FOXP2: variants seen among roughly 807,000 people sequenced by gnomAD.
FOXP2 encodes the protein forkhead box P2.
A neutral mutation model predicts 115.8 loss-of-function variants in FOXP2; 12 were observed. The observed-to-expected ratio is 0.10, with a 90% CI of 0.07 to 0.17. FOXP2 has a LOEUF of 0.17. FOXP2 is among the 10% of genes least tolerant of loss of function. The probability of loss-of-function intolerance (pLI) is 1.00; values close to 1 mark genes in which losing one functional copy is unlikely to be tolerated. For synonymous variants in FOXP2, 328 were observed against 297.7 expected, an observed-to-expected ratio of 1.10 and a Z score of -1.05; for missense variants, 629 against 843.5, an observed-to-expected ratio of 0.75 and a Z score of 3.15.
chr7:114,526,150 G>T, intron 2 of FOXP2, among the ~76,000 whole-genome samples: 1 of 100,564 alleles, frequency 9.9e-6, no homozygotes, highest in African/African-American at 4.0e-5. Context: ...TATTTATTAA[G>T]CTCATTATTA....
chr7:114,087,528 G>T (rs562954891), upstream of FOXP2, among the ~76,000 whole-genome samples: 5 of 151,848 alleles, frequency 3.3e-5, no homozygotes, highest in African/African-American at 1.2e-4. Context: ...CTTCTCACTT[G>T]GCTGTTACCT....
chr7:114,520,169 A>G (rs965669529), intron 2 of FOXP2, among the ~76,000 whole-genome samples: 1 of 152,122 alleles, frequency 6.6e-6, no homozygotes, highest in African/African-American at 2.4e-5. Flanking sequence ...TACCTTACAT[A>G]AAAATTGCTT....
chr7:114,310,888 G>A (rs879526658), intron 2 of FOXP2, among the ~76,000 whole-genome samples: 5 of 152,130 alleles, frequency 3.3e-5, no homozygotes, highest in Non-Finnish European at 7.3e-5. Flanking sequence ...AGGGACAAGT[G>A]GGTGACTTGA....
chr7:114,244,989 C>G (rs1054253633), intron 1 of FOXP2, among the ~76,000 whole-genome samples: 3 of 152,174 alleles, frequency 2.0e-5, no homozygotes, highest in Admixed American at 6.5e-5. Context: ...GTCTCGATCT[C>G]CTGACCTCGT....
intron 1 of FOXP2, among the ~76,000 whole-genome samples, chr7:114,223,456 T>G (rs1480722089): frequency 2.7e-5 from 4 of 148,204 alleles, no homozygotes; most frequent in African/African-American, 9.8e-5. Context: ...TGTTGCATAT[T>G]GATTTGAAGG....
At position 114,220,903 on chromosome 7, in the gene FOXP2, C is replaced by T. The variant is rs564819430; in HGVS notation, c.-102+57815C>T. 2.0e-5 allele frequency among the ~76,000 whole-genome samples: 3 copies of T among 152,144 alleles called. No individual in the cohort carries two copies. The South Asian group carries it at 6.2e-4, about 32-fold the overall frequency. On this transcript the variant is annotated intron_variant, in intron 1 of 17. Transcript: ENST00000634411. ...AACTCTCTCGAAGTCTTTCTAAATT[C>T]TAAATAAAATTGGTGTCATTTAAGA...
At chr7:114,307,350 C>T (rs1478312535) in intron 2 of FOXP2, among the ~76,000 whole-genome samples, 3 of 152,142 alleles carry the variant, frequency 2.0e-5, no homozygotes, top group African/African-American at 2.4e-5. Flanking sequence ...CTAGCCAGGA[C>T]AGACTAGTAG....
chr7:114,324,260 C>T (rs538344180), intron 2 of FOXP2, among the ~76,000 whole-genome samples: 6 of 151,708 alleles, frequency 4.0e-5, no homozygotes, highest in Non-Finnish European at 8.9e-5. Flanking sequence ...TGTACAGATA[C>T]CATATTATTA....
intron 2 of FOXP2, among the ~76,000 whole-genome samples, chr7:114,439,258 C>G (rs1794492128): frequency 6.6e-6 from 1 of 151,914 alleles, no homozygotes; most frequent in Admixed American, 6.6e-5. Context: ...TTTTATTATT[C>G]TATTATGTCG....
intron 1 of FOXP2, among the ~76,000 whole-genome samples, chr7:114,098,270 C>T (rs949450673): frequency 6.6e-6 from 1 of 152,116 alleles, no homozygotes; most frequent in Non-Finnish European, 1.5e-5. Flanking sequence ...TACCTTAGCT[C>T]TGGCTGATGA....
Position 114,652,071 on chromosome 7 carries a change from T to C in FOXP2, c.1095-132T>C, listed in dbSNP as rs969349291. 20 of 792,832 alleles carry C rather than the reference T, an allele frequency of 2.5e-5. No homozygotes were observed. The South Asian group carries it at 2.6e-4, about 10-fold the overall frequency. The allele number at this position is 792,832 out of a possible 1,614,324, so 49.1% of individuals were successfully genotyped here. A position where few individuals can be genotyped will look rare whatever the true frequency, so the allele number is the denominator to read the frequency against. On this transcript the variant is annotated intron_variant, in intron 8 of 16. Transcript: ENST00000350908. ...CGTAAGCAGCTTTAACTTTTATCTGTATGGTTTCAAGGCTTTCTGTTTTCC... is the reference window on the plus strand; with the variant it reads ...CGTAAGCAGCTTTAACTTTTATCTGCATGGTTTCAAGGCTTTCTGTTTTCC...
intron 2 of FOXP2, among the ~76,000 whole-genome samples, chr7:114,305,251 C>T (rs1796986047): frequency 6.6e-6 from 1 of 152,134 alleles, no homozygotes. Context: ...TGAAGGAGAG[C>T]TTTAAACGTT....
intron 1 of FOXP2, among the ~76,000 whole-genome samples, chr7:114,250,693 A>G (rs184979061): frequency 1.1e-3 from 173 of 152,264 alleles, no homozygotes; most frequent in African/African-American, 4.0e-3. Context: ...GATTCTAGAT[A>G]TTAGCCCTTT....
intron 2 of FOXP2, among the ~76,000 whole-genome samples, chr7:114,393,569 C>A (rs915410307): frequency 3.3e-5 from 5 of 151,610 alleles, no homozygotes; most frequent in African/African-American, 1.2e-4. Context: ...GGGTAGGCAG[C>A]CTGGTGTGGG....
At chr7:114,507,572 AG>A (rs1797883353) in intron 2 of FOXP2, among the ~76,000 whole-genome samples, 1 of 151,992 alleles carries the variant, frequency 6.6e-6, no homozygotes, top group African/African-American at 2.4e-5. Context: ...AAAGTCTGGA[AG>A]TCATTGCTTG....
intron 2 of FOXP2, among the ~76,000 whole-genome samples, chr7:114,326,949 T>C (rs1240409014): frequency 6.6e-6 from 1 of 152,218 alleles, no homozygotes; most frequent in African/African-American, 2.4e-5. Flanking sequence ...ATTTATTTTC[T>C]TTCTCAAGGG....
intron 3 of FOXP2, among the ~76,000 whole-genome samples, chr7:114,622,961 A>G (rs918012891): frequency 1.3e-5 from 2 of 151,950 alleles, no homozygotes; most frequent in Non-Finnish European, 2.9e-5. Context: ...CTAAATGTAA[A>G]TAAATGATGG....
chr7:114,335,376 A>G (rs1055721237), intron 2 of FOXP2, among the ~76,000 whole-genome samples: 1 of 151,944 alleles, frequency 6.6e-6, no homozygotes, highest in Non-Finnish European at 1.5e-5. Context: ...TTGCATTTCT[A>G]TAATGTCTAT....
intron 1 of FOXP2, among the ~76,000 whole-genome samples, chr7:114,220,601 T>A (rs1042339724): frequency 1.1e-4 from 16 of 152,282 alleles, no homozygotes; most frequent in African/African-American, 3.1e-4. Context: ...TTCCCTTTGG[T>A]GACTGCCCTT....
Sources: allele counts gnomAD v4.1 joint callset (sites outside exome capture counted in the v4.1 genomes callset), GRCh38; gene constraint gnomAD v4.1.1; transcripts MANE v1.5; gene names NCBI Gene and HGNC (gene_info 2026-07-23, HGNC 2026-07-21).